Variants in SLC23A2 observed in about 807,000 individuals in gnomAD.
SLC23A2 encodes solute carrier family 23 member 2.
In SLC23A2, 36 loss-of-function variants were observed where a neutral mutation model predicts 73.3. The observed-to-expected ratio is 0.49, with a 90% CI of 0.38 to 0.65. SLC23A2 has a LOEUF of 0.65. Ranked by LOEUF, SLC23A2 falls within the 30% of genes least tolerant of loss-of-function variation. The probability of loss-of-function intolerance (pLI) is 0.00; values close to 1 mark genes in which losing one functional copy is unlikely to be tolerated. For synonymous variants in SLC23A2, 343 were observed against 327.3 expected, an observed-to-expected ratio of 1.05 and a Z score of -0.52; for missense variants, 507 against 841.6, an observed-to-expected ratio of 0.60 and a Z score of 4.92.
At chr20:4,913,601 T>C (rs781525863) in intron 3 of SLC23A2, among the ~76,000 whole-genome samples, 13 of 152,052 alleles carry the variant, frequency 8.5e-5, no homozygotes, top group Non-Finnish European at 1.9e-4. Context: ...TTTTTGTTTT[T>C]TTAGGTTTTG....
intron 5 of SLC23A2, among the ~76,000 whole-genome samples, chr20:4,901,999 G>A (rs1338515875): frequency 6.6e-6 from 1 of 151,824 alleles, no homozygotes; most frequent in Non-Finnish European, 1.5e-5. Context: ...CTGCTGTGAT[G>A]TCAACAATTC....
At position 4,902,129 on chromosome 20, in the gene SLC23A2, G is replaced by A. The variant is rs1215198053; in HGVS notation, c.324+313C>T. On this transcript the variant is annotated intron_variant, in intron 5 of 16. Transcript: ENST00000338244. The surrounding 1 kb of genome is among the most constrained non-coding windows in gnomAD (Gnocchi z 4.0). ...AGCGATCCTCCTGCCTCAGCCTCTT[G>A]AGTAGCTGGGACTGTGGGCACACAC... is the stretch of plus-strand genomic sequence containing the variant. Among the ~76,000 whole-genome samples, 1 of 152,122 alleles carries A rather than the reference G, an allele frequency of 6.6e-6. No individual in the cohort carries two copies. The highest frequency in any genetic ancestry group is 1.9e-4 in the East Asian group (1 of 5,178).
Position 4,899,768 on chromosome 20 carries a change from TG to T in SLC23A2, c.325-57del. 11 of 1,542,046 alleles carry T rather than the reference TG, an allele frequency of 7.1e-6. No individual in the cohort carries two copies. Among genetic ancestry groups the T allele is most frequent in the Non-Finnish European group, 9.8e-6 (11 of 1,120,248 alleles). On this transcript the variant is annotated intron_variant, in intron 5 of 16. Coordinates refer to ENST00000338244, the MANE Select transcript of SLC23A2 (RefSeq NM_005116.6). This position sits in a 1 kb window ranked among gnomAD's most constrained non-coding sequence, Gnocchi z 4.9. ...CAGTAAACCCTTCCTCATTTATTCTTGATTTCATCCTAATTCTTCTCTCTTA... is the reference window on the plus strand; with the variant it reads ...CAGTAAACCCTTCCTCATTTATTCTTATTTCATCCTAATTCTTCTCTCTTA...
chr20:4,956,683 A>G (rs569033829), intron 2 of SLC23A2, among the ~76,000 whole-genome samples: 3 of 152,216 alleles, frequency 2.0e-5, no homozygotes, highest in Admixed American at 2.0e-4. Flanking sequence ...TTGGGCACAC[A>G]ACCAACTAAA....
In SLC23A2 at chr20:4,883,392, A is replaced by G. The variant is rs749891020; in HGVS notation, c.824+250T>C. On this transcript the variant is annotated intron_variant, in intron 9 of 16. Transcript: ENST00000338244. This position sits in a 1 kb window ranked among gnomAD's most constrained non-coding sequence, Gnocchi z 4.5. ...AATGGCGCCACTACCTTACCCCACT[A>G]CCAAAGCTTAAAAACTTACAATCCA... Among the ~76,000 whole-genome samples the G allele has an allele frequency of 3.9e-5, 6 of 152,204 alleles. No homozygotes were observed. The highest frequency in any genetic ancestry group is 6.8e-3 in the Middle Eastern group (2 of 294).
At chr20:4,896,831 C>T (rs1292449485) in intron 6 of SLC23A2, among the ~76,000 whole-genome samples, 2 of 152,232 alleles carry the variant, frequency 1.3e-5, no homozygotes, top group African/African-American at 4.8e-5. Flanking sequence ...TTGAATGCTC[C>T]CTGTGCCTGT....
rs541994512 is a variant in SLC23A2, at chr20:4,857,747, A to G, written c.1721-543T>C. The stretch of plus-strand genomic sequence containing the variant: ...GGAGTTCGAGACCAGCCTAGCCAAC[A>G]TGGTGAAATCCCGTCCCCACTCAAA... On this transcript the variant is annotated intron_variant, in intron 16 of 16. Transcript: ENST00000338244. This position sits in a 1 kb window ranked among gnomAD's most constrained non-coding sequence, Gnocchi z 4.0. Among the ~76,000 whole-genome samples, 117 of 152,218 alleles carry G rather than the reference A, an allele frequency of 7.7e-4. No homozygotes were observed. Among genetic ancestry groups the G allele is most frequent in the African/African-American group, 2.7e-3 (114 of 41,538 alleles).
At chr20:4,888,560 C>T (rs1466452941) in intron 6 of SLC23A2, among the ~76,000 whole-genome samples, 1 of 152,164 alleles carries the variant, frequency 6.6e-6, no homozygotes, top group Non-Finnish European at 1.5e-5. Context: ...AGCAGGAGAA[C>T]CTAAGCAAAC....
Position 4,862,204 on chromosome 20 carries a change from G to T in SLC23A2, c.1487-119C>A. The T allele has an allele frequency of 2.0e-6, 2 of 999,394 alleles. No homozygotes were observed. The highest frequency in any genetic ancestry group is 3.0e-6 in the Non-Finnish European group (2 of 671,630). The allele number at this position is 999,394 out of a possible 1,614,324, so 61.9% of individuals were successfully genotyped here. A position where few individuals can be genotyped will look rare whatever the true frequency, so the allele number is the denominator to read the frequency against. On this transcript the variant is annotated intron_variant, in intron 14 of 16. Coordinates refer to ENST00000338244, the MANE Select transcript of SLC23A2 (RefSeq NM_005116.6). This position sits in a 1 kb window ranked among gnomAD's most constrained non-coding sequence, Gnocchi z 5.1. ...TGTCCAACAGAAACCAATGAGACCAGTGCAGGGACAGGAAGGGGGACGTGT... is the reference window on the plus strand; with the variant it reads ...TGTCCAACAGAAACCAATGAGACCATTGCAGGGACAGGAAGGGGGACGTGT...
At chr20:4,879,431 A>AAAAAAAAAAAAAC in intron 9 of SLC23A2, among the ~76,000 whole-genome samples, 1 of 150,364 alleles carries the variant, frequency 6.7e-6, no homozygotes, top group African/African-American at 2.4e-5. Context: ...AAAAAAAAAA[A>AAAAAAAAAAAAAC]AATCCTCCTA....
intron 1 of SLC23A2, among the ~76,000 whole-genome samples, chr20:5,008,944 A>G (rs1161460045): frequency 6.6e-6 from 1 of 151,940 alleles, no homozygotes; most frequent in Non-Finnish European, 1.5e-5. Flanking sequence ...AGCTTCTCAA[A>G]AAAGCCACGT....
chr20:4,955,351 G>C (rs1433074649), intron 2 of SLC23A2, among the ~76,000 whole-genome samples: 3 of 126,900 alleles, frequency 2.4e-5, no homozygotes, highest in Non-Finnish European at 5.0e-5. Flanking sequence ...CAGAAAATGA[G>C]TTAAAACACA....
chr20:4,859,694 TA>T (rs895054217), intron 15 of SLC23A2, among the ~76,000 whole-genome samples: 21 of 151,066 alleles, frequency 1.4e-4, no homozygotes, highest in Non-Finnish European at 2.7e-4. Context: ...AGTCGGTGGA[TA>T]AAAAAAATTC....
intron 12 of SLC23A2, chr20:4,869,674 A>T: frequency 2.7e-6 from 1 of 374,270 alleles, no homozygotes; most frequent in East Asian, 5.0e-5. Flanking sequence ...AAGGAAGGGT[A>T]GGAATTCCGT....
intron 1 of SLC23A2, among the ~76,000 whole-genome samples, chr20:4,994,310 T>C (rs922447431): frequency 2.6e-5 from 4 of 152,098 alleles, no homozygotes; most frequent in African/African-American, 9.7e-5. Context: ...AATGCACATT[T>C]TCGGGGTCCA....
chr20:4,909,359 G>C (rs1459289171), intron 4 of SLC23A2, among the ~76,000 whole-genome samples: 1 of 152,100 alleles, frequency 6.6e-6, no homozygotes, highest in Non-Finnish European at 1.5e-5. Flanking sequence ...TTTTAGGACG[G>C]TTACTCTACA....
At chr20:4,942,667 G>T (rs2087061468) in intron 2 of SLC23A2, among the ~76,000 whole-genome samples, 1 of 145,022 alleles carries the variant, frequency 6.9e-6, no homozygotes, top group African/African-American at 2.4e-5. Flanking sequence ...CCAGGAAACA[G>T]AGTCACCCCT....
At chr20:4,946,797 C>G (rs550272972) in intron 2 of SLC23A2, among the ~76,000 whole-genome samples, 1 of 152,054 alleles carries the variant, frequency 6.6e-6, no homozygotes, top group Non-Finnish European at 1.5e-5. Flanking sequence ...TTCAGAAGAG[C>G]GATGGAGTCT....
intron 2 of SLC23A2, among the ~76,000 whole-genome samples, chr20:4,962,934 G>A (rs1016823849): frequency 2.0e-5 from 3 of 152,120 alleles, no homozygotes; most frequent in African/African-American, 7.2e-5. Context: ...GGAGGCGGAG[G>A]TTGCAAGTGA....
Sources: gnomAD v4.1 joint callset for allele counts (sites outside exome capture counted in the v4.1 genomes callset) on GRCh38, gnomAD v4.1.1 for gene constraint, Gnocchi (gnomAD v3.1) non-coding constraint, MANE v1.5 for transcripts, NCBI Gene and HGNC (gene_info 2026-07-23, HGNC 2026-07-21) for gene names.